Variants in MAT2B observed in about 807,000 individuals in gnomAD.
The protein encoded by MAT2B is methionine adenosyltransferase 2 non-catalytic beta subunit.
Under a neutral mutation model 36.1 loss-of-function variants are expected in MAT2B, and 16 were observed. The ratio of observed to expected loss-of-function variants is 0.44; its 90% confidence interval spans 0.30 to 0.67. MAT2B has a LOEUF of 0.67. MAT2B is among the 30% of genes least tolerant of loss of function. The pLI is 0.09. For missense variants in MAT2B, 332 were observed against 398.2 expected (o/e 0.83, Z 1.42); for synonymous variants, 148 against 136.9 (o/e 1.08, Z -0.57).
intron 1 of MAT2B, among the ~76,000 whole-genome samples, chr5:163,508,611 G>GT (rs1390526865): frequency 2.0e-5 from 3 of 151,754 alleles, no homozygotes; most frequent in Non-Finnish European, 4.4e-5. Flanking sequence ...CTTTTTTTTG[G>GT]TTTTTTTGTT....
Position 163,513,626 on chromosome 5 carries a change from T to C in MAT2B, c.330T>C (p.Ser110=). The C allele has an allele frequency of 6.2e-7, 1 of 1,614,014 alleles. No homozygotes were observed. The highest frequency in any genetic ancestry group is 1.3e-5 in the African/African-American group (1 of 75,050). ...DVVENQPDAA[S]QLNVDASGNL... ...TAGAAAATCAGCCAGATGCTGCCTCTCAACTTAATGTGGATGCTTCTGGGA... is the reference window on the plus strand; with the variant it reads ...TAGAAAATCAGCCAGATGCTGCCTCCCAACTTAATGTGGATGCTTCTGGGA... Residue 110 remains serine, a synonymous_variant, in exon 3 of 7, where the codon TCT becomes TCC. Coordinates refer to ENST00000321757, the MANE Select transcript of MAT2B (RefSeq NM_013283.5).
chr5:163,510,044 A>G (rs376656832), intron 1 of MAT2B, among the ~76,000 whole-genome samples: 1 of 152,200 alleles, frequency 6.6e-6, no homozygotes, highest in Non-Finnish European at 1.5e-5. Context: ...GTATTCGGCT[A>G]AGTAATTTAA....
intron 1 of MAT2B, 152 bp downstream of exon 1, chr5:163,505,901 G>C (rs760724217): frequency 2.3e-5 from 12 of 515,508 alleles, no homozygotes; most frequent in African/African-American, 9.9e-5. Flanking sequence ...CCCCGGATCC[G>C]AGGGGGGCGC....
intron 6 of MAT2B, 115 bp from the exon 7 acceptor site, chr5:163,518,078 T>C: frequency 1.5e-6 from 1 of 688,710 alleles, no homozygotes. Flanking sequence ...TGGAGGGAGA[T>C]CTCATCTCTG....
At chr5:163,516,169 C>T (rs906823284) in intron 4 of MAT2B, among the ~76,000 whole-genome samples, 6 of 152,126 alleles carry the variant, frequency 3.9e-5, no homozygotes, top group Admixed American at 3.9e-4. Flanking sequence ...ACTCAGCCTC[C>T]CAAGTAGCTG....
intron 2 of MAT2B, chr5:163,512,528 G>A (rs6874065): frequency 0.54 from 208,852 of 385,608 alleles, 59,595 homozygotes; most frequent in African/African-American, 0.81. Flanking sequence ...AGGGCTGAGG[G>A]AGCAGGCTCA....
In MAT2B at chr5:163,517,647, C is replaced by T; in HGVS notation, c.807C>T (p.Phe269=). The T allele has an allele frequency of 6.2e-7, 1 of 1,613,082 alleles. No individual in the cohort carries two copies. The highest frequency in any genetic ancestry group is 8.5e-7 in the Non-Finnish European group (1 of 1,179,110). The stretch of plus-strand genomic sequence containing the variant: ...TGGCATGTGCAATTGCAGATGCCTT[C>T]AACCTCCCCAGCAGTCACTTAAGAC... The part of the protein sequence containing the change: ...YEMACAIADA[F]NLPSSHLRPI... Residue 269 remains phenylalanine (F), a synonymous_variant, in exon 6 of 7, where the codon TTC becomes TTT. Coordinates refer to ENST00000321757, the MANE Select transcript of MAT2B (RefSeq NM_013283.5).
intron 1 of MAT2B, among the ~76,000 whole-genome samples, chr5:163,511,502 C>T (rs866822229): frequency 5.4e-5 from 7 of 129,680 alleles, no homozygotes; most frequent in Non-Finnish European, 9.3e-5. Context: ...AGGCTGGTCT[C>T]GAACTCCTGG....
intron 3 of MAT2B, 31 bp downstream of exon 3, chr5:163,513,700 A>G (rs752246412): frequency 1.9e-6 from 3 of 1,564,662 alleles, no homozygotes; most frequent in Non-Finnish European, 1.8e-6. Context: ...TTTTCATAAA[A>G]TATTAAGTGA....
Position 163,516,726 on chromosome 5 carries a change from T to C in MAT2B, c.720+15T>C. ...AGAGAATGCTGGTAAGAAGGATTCCTGAGTCCTGTCTTAGCGAAGGTCCGC... is the reference window on the plus strand; with the variant it reads ...AGAGAATGCTGGTAAGAAGGATTCCCGAGTCCTGTCTTAGCGAAGGTCCGC... On this transcript the variant is annotated intron_variant, in intron 5 of 6. Transcript: ENST00000321757. The C allele has an allele frequency of 1.2e-6, 2 of 1,613,750 alleles. No individual in the cohort carries two copies. The highest frequency in any genetic ancestry group is 1.7e-6 in the Non-Finnish European group (2 of 1,179,636).
intron 4 of MAT2B, among the ~76,000 whole-genome samples, chr5:163,515,823 G>C (rs1354404096): frequency 5.2e-5 from 6 of 116,080 alleles, no homozygotes; most frequent in Admixed American, 1.9e-4. Context: ...CGCCTGGGCT[G>C]GAGTGCAGTA....
Position 163,518,027 on chromosome 5 carries a change from A to G in MAT2B, c.835-166A>G, listed in dbSNP as rs528059760. 73 of 540,556 alleles carry G rather than the reference A, an allele frequency of 1.4e-4. 1 individual carries two copies. The highest frequency in any genetic ancestry group is 9.9e-4 in the Middle Eastern group (2 of 2,028). 33.5% of individuals were successfully genotyped at this position (540,556 alleles called of 1,614,324 possible). A position where few individuals can be genotyped will look rare whatever the true frequency, so the allele number is the denominator to read the frequency against. ...CAACACTTTGGGAGGCTGACGCAGG[A>G]GGATCCCTTGAGCCCAGGAATTTGA... On this transcript the variant is annotated intron_variant, in intron 6 of 6. Coordinates refer to ENST00000321757, the MANE Select transcript of MAT2B (RefSeq NM_013283.5).
At chr5:163,506,670 G>A (rs982976617) in intron 1 of MAT2B, among the ~76,000 whole-genome samples, 13 of 152,176 alleles carry the variant, frequency 8.5e-5, no homozygotes, top group Non-Finnish European at 8.8e-5. Flanking sequence ...GTAAAGTTAG[G>A]ATAAATGGTC....
chr5:163,510,848 G>T (rs1195022570), intron 1 of MAT2B, among the ~76,000 whole-genome samples: 2 of 151,832 alleles, frequency 1.3e-5, no homozygotes, highest in East Asian at 3.9e-4. Context: ...CTCTACCTTG[G>T]GTCCATCAAA....
At position 163,515,842 on chromosome 5, in the gene MAT2B, A is replaced by ACAG. The variant is rs374651899; in HGVS notation, c.527-674_527-672dup. On this transcript the variant is annotated intron_variant, in intron 4 of 6. Coordinates refer to ENST00000321757, the MANE Select transcript of MAT2B (RefSeq NM_013283.5). Reference sequence around the variant, plus strand: ...TGGGCTGGAGTGCAGTAGGGTGAACACAGCTCACTATAGCCTTGACCTCCT... The same window carrying ACAG: ...TGGGCTGGAGTGCAGTAGGGTGAACACAGCAGCTCACTATAGCCTTGACCTCCT... Among the ~76,000 whole-genome samples the ACAG allele has an allele frequency of 2.4e-4, 31 of 127,772 alleles. No homozygotes were observed. In the East Asian group the frequency reaches 8.4e-3, roughly 34 times the overall value. 83.8% of individuals were successfully genotyped at this position (127,772 alleles called of 152,430 possible). A position where few individuals can be genotyped will look rare whatever the true frequency, so the allele number is the denominator to read the frequency against.
At chr5:163,510,394 C>CTTTTTT (rs1270371144) in intron 1 of MAT2B, among the ~76,000 whole-genome samples, 8 of 121,750 alleles carry the variant, frequency 6.6e-5, no homozygotes, top group African/African-American at 1.7e-4. Context: ...TTAGTTTTAG[C>CTTTTTT]TTTTTTTTTT....
chr5:163,510,740 A>C (rs1760025616), intron 1 of MAT2B, among the ~76,000 whole-genome samples: 2 of 152,172 alleles, frequency 1.3e-5, no homozygotes, highest in African/African-American at 4.8e-5. Flanking sequence ...TTAACTAAGG[A>C]ACATTTACCA....
Position 163,509,551 on chromosome 5 carries a change from T to G in MAT2B, c.64-2451T>G, listed in dbSNP as rs138183360. Among the ~76,000 whole-genome samples, 1,412 of 152,310 alleles carry G rather than the reference T, an allele frequency of 9.3e-3. 24 individuals carry two copies. Among genetic ancestry groups the G allele is most frequent in the African/African-American group, 0.032 (1,346 of 41,566 alleles). Reference sequence around the variant, plus strand: ...CCCTCCAGGTGATTCTGATCCACACTGAAGCACGAGAACCACTGACCTTAG... The same window carrying G: ...CCCTCCAGGTGATTCTGATCCACACGGAAGCACGAGAACCACTGACCTTAG... On this transcript the variant is annotated intron_variant, in intron 1 of 6. Coordinates refer to ENST00000321757, the MANE Select transcript of MAT2B (RefSeq NM_013283.5).
intron 1 of MAT2B, among the ~76,000 whole-genome samples, chr5:163,507,678 T>G (rs1326922484): frequency 1.3e-5 from 2 of 152,222 alleles, no homozygotes; most frequent in African/African-American, 4.8e-5. Context: ...TAAAATAATT[T>G]ATGGAGTGCA....
Sources: gnomAD v4.1 joint callset for allele counts (sites outside exome capture counted in the v4.1 genomes callset) on GRCh38, gnomAD v4.1.1 for gene constraint, MANE v1.5 for transcripts, NCBI Gene and HGNC (gene_info 2026-07-23, HGNC 2026-07-21) for gene names.